The following TPRG1 variants were observed in gnomAD, a reference collection of about 807,000 sequenced individuals.
TPRG1 encodes tumor protein p63-regulated gene 1 protein.
Under a neutral mutation model 29.3 loss-of-function variants are expected in TPRG1, and 29 were observed. The observed-to-expected ratio is 0.99, with a 90% CI of 0.74 to 1.35. TPRG1 has a LOEUF of 1.35. Ranked by LOEUF, TPRG1 falls within the 40% of genes most tolerant of loss-of-function variation. The probability of loss-of-function intolerance (pLI) is 0.00; values close to 1 mark genes in which losing one functional copy is unlikely to be tolerated. For missense variants in TPRG1, 327 were observed against 335.0 expected (o/e 0.98, Z 0.19); for synonymous variants, 130 against 116.8 (o/e 1.11, Z -0.73).
intron 1 of TPRG1, among the ~76,000 whole-genome samples, chr3:189,115,038 C>G (rs529728661): frequency 6.6e-6 from 1 of 152,128 alleles, no homozygotes; most frequent in Non-Finnish European, 1.5e-5. Context: ...TATTTCACCC[C>G]CTGTTGAAGA....
chr3:189,112,323 T>C (rs956862269), intron 1 of TPRG1, among the ~76,000 whole-genome samples: 1 of 151,974 alleles, frequency 6.6e-6, no homozygotes, highest in Non-Finnish European at 1.5e-5. Flanking sequence ...CATTGAAAAG[T>C]GTTCCTGTTC....
chr3:189,057,895 CAT>C (rs1715841173), intron 4 of TPRG1, among the ~76,000 whole-genome samples: 1 of 145,654 alleles, frequency 6.9e-6, no homozygotes, highest in South Asian at 2.1e-4. Flanking sequence ...TACGTATACA[CAT>C]ATATACACAC....
intron 1 of TPRG1, among the ~76,000 whole-genome samples, chr3:189,205,552 G>A (rs1206840281): frequency 6.6e-6 from 1 of 152,184 alleles, no homozygotes. Flanking sequence ...GGGGATAGGG[G>A]CTTCTTCTCA....
intron 4 of TPRG1, among the ~76,000 whole-genome samples, chr3:189,268,329 G>A (rs1022734192): frequency 1.3e-5 from 2 of 152,140 alleles, no homozygotes; most frequent in Non-Finnish European, 2.9e-5. Context: ...GGATTGCTGA[G>A]CTATTTCTTG....
At chr3:189,101,609 C>T (rs1018259000) in intron 1 of TPRG1, among the ~76,000 whole-genome samples, 4 of 152,022 alleles carry the variant, frequency 2.6e-5, no homozygotes, top group Admixed American at 2.0e-4. Context: ...TCGGGACCAT[C>T]CAATTCCTTG....
intron 4 of TPRG1, among the ~76,000 whole-genome samples, chr3:189,040,918 G>A (rs1714592040): frequency 6.6e-6 from 1 of 152,124 alleles, no homozygotes; most frequent in Admixed American, 6.5e-5. Flanking sequence ...CTATTCCTTA[G>A]ATTGACTTAC....
intron 1 of TPRG1, among the ~76,000 whole-genome samples, chr3:189,196,369 G>T (rs967463677): frequency 6.6e-6 from 1 of 152,112 alleles, no homozygotes; most frequent in South Asian, 2.1e-4. Flanking sequence ...ATTAATATCT[G>T]TTATCATGCT....
intron 4 of TPRG1, among the ~76,000 whole-genome samples, chr3:189,289,778 T>G (rs1438398622): frequency 1.3e-5 from 2 of 152,230 alleles, no homozygotes; most frequent in African/African-American, 4.8e-5. Flanking sequence ...TAAAATACCA[T>G]GCTGATCAAC....
intron 4 of TPRG1, among the ~76,000 whole-genome samples, chr3:189,041,479 A>G (rs710516): frequency 0.85 from 128,847 of 152,174 alleles, 56,528 homozygotes; most frequent in Non-Finnish European, 0.95. Flanking sequence ...CGTACTTCAC[A>G]GGACTATTGT....
intron 4 of TPRG1, among the ~76,000 whole-genome samples, chr3:189,262,979 A>G (rs909420744): frequency 1.3e-5 from 2 of 152,366 alleles, no homozygotes; most frequent in East Asian, 3.9e-4. Context: ...GAGAGAGAGC[A>G]AGAGAGAGAA....
intron 1 of TPRG1, among the ~76,000 whole-genome samples, chr3:189,197,650 A>G (rs1732759679): frequency 6.6e-6 from 1 of 152,188 alleles, no homozygotes; most frequent in African/African-American, 2.4e-5. Flanking sequence ...ATCCTTATAT[A>G]GGTTTATATT....
At chr3:189,315,569 C>T (rs1437682739) in intron 5 of TPRG1, 1 of 446,130 alleles carries the variant, frequency 2.2e-6, no homozygotes, top group African/African-American at 2.0e-5. Context: ...TTATGTGTGC[C>T]CTACAACCAT....
At chr3:189,049,011 C>T (rs1348499957) in intron 4 of TPRG1, among the ~76,000 whole-genome samples, 1 of 152,172 alleles carries the variant, frequency 6.6e-6, no homozygotes, top group African/African-American at 2.4e-5. Context: ...CCAGGCAACC[C>T]ATTCCTGCAT....
intron 3 of TPRG1, among the ~76,000 whole-genome samples, chr3:189,235,594 T>C (rs1165950309): frequency 6.6e-6 from 1 of 152,106 alleles, no homozygotes; most frequent in Non-Finnish European, 1.5e-5. Flanking sequence ...ACAGTCTTGA[T>C]TGTTGTTCTG....
chr3:189,032,852 G>GT (rs376974930), intron 4 of TPRG1, among the ~76,000 whole-genome samples: 143 of 147,772 alleles, frequency 9.7e-4, no homozygotes, highest in Middle Eastern at 3.5e-3. Context: ...GCGGTGTTTG[G>GT]TTTTTTGTCC....
chr3:189,230,722 G>T (rs773756785), intron 3 of TPRG1, among the ~76,000 whole-genome samples: 28 of 152,102 alleles, frequency 1.8e-4, no homozygotes, highest in Non-Finnish European at 3.5e-4. Context: ...GGCTTGTTTT[G>T]TTCACCATTA....
At chr3:189,305,074 T>A (rs9917666) in intron 4 of TPRG1, among the ~76,000 whole-genome samples, 8,940 of 152,236 alleles carry the variant, frequency 0.059, 612 homozygotes, top group African/African-American at 0.16. Flanking sequence ...ATGGAGGTAA[T>A]AATGAAAGCT....
chr3:189,195,043 T>G (rs1166152284), intron 1 of TPRG1, among the ~76,000 whole-genome samples: 2 of 152,132 alleles, frequency 1.3e-5, no homozygotes, highest in Non-Finnish European at 2.9e-5. Flanking sequence ...TGGGGTACTA[T>G]GTAAGCCCAA....
intron 4 of TPRG1, among the ~76,000 whole-genome samples, chr3:189,280,275 A>G: frequency 6.6e-6 from 1 of 152,250 alleles, no homozygotes; most frequent in African/African-American, 2.4e-5. Context: ...GGAATAATAT[A>G]TATAAATGAA....
Sources: allele counts gnomAD v4.1 joint callset (sites outside exome capture counted in the v4.1 genomes callset), GRCh38; gene constraint gnomAD v4.1.1; transcripts MANE v1.5; gene names NCBI Gene and HGNC (gene_info 2026-07-23, HGNC 2026-07-21).